The following CA10 variants were observed in gnomAD, a reference collection of about 807,000 sequenced individuals.
The protein encoded by CA10 is carbonic anhydrase-related protein 10.
Under a neutral mutation model 44.2 loss-of-function variants are expected in CA10, and 14 were observed. The observed-to-expected ratio is 0.32, with a 90% CI of 0.21 to 0.50. The LOEUF is 0.50. Among genes scored for constraint, CA10 ranks in the 20% least tolerant of loss-of-function variants. The pLI, the probability that CA10 is intolerant of heterozygous loss-of-function variation, is 0.99. For synonymous variants in CA10, 159 were observed against 141.6 expected, an observed-to-expected ratio of 1.12 and a Z score of -0.87; for missense variants, 350 against 409.7, an observed-to-expected ratio of 0.85 and a Z score of 1.26.
chr17:52,078,208 C>T (rs2143159950), intron 1 of CA10, among the ~76,000 whole-genome samples: 1 of 152,262 alleles, frequency 6.6e-6, no homozygotes, highest in East Asian at 1.9e-4. Flanking sequence ...GGTCTCTTGA[C>T]CTGGTGGGAA....
At chr17:51,935,457 T>A (rs533159438) in intron 2 of CA10, among the ~76,000 whole-genome samples, 1 of 152,184 alleles carries the variant, frequency 6.6e-6, no homozygotes, top group African/African-American at 2.4e-5. Context: ...AATTCCATCA[T>A]CCTTGGCATC....
intron 3 of CA10, among the ~76,000 whole-genome samples, chr17:51,870,054 G>T (rs914460045): frequency 6.6e-6 from 1 of 152,146 alleles, no homozygotes; most frequent in African/African-American, 2.4e-5. Flanking sequence ...ATTTACTAAG[G>T]CCAATCTATT....
intron 2 of CA10, among the ~76,000 whole-genome samples, chr17:51,991,005 A>G (rs530585500): frequency 4.6e-5 from 7 of 152,230 alleles, no homozygotes; most frequent in African/African-American, 1.7e-4. Flanking sequence ...CTCACCACTT[A>G]AGGGCTGTGT....
At chr17:52,047,050 TA>T (rs1986931586) in intron 2 of CA10, among the ~76,000 whole-genome samples, 2 of 151,966 alleles carry the variant, frequency 1.3e-5, no homozygotes, top group African/African-American at 4.8e-5. Flanking sequence ...TTATTTCAGA[TA>T]AACAAAATCT....
At chr17:51,869,840 C>T (rs1567867349) in intron 3 of CA10, among the ~76,000 whole-genome samples, 1 of 152,208 alleles carries the variant, frequency 6.6e-6, no homozygotes, top group Non-Finnish European at 1.5e-5. Flanking sequence ...TTTAGGAAGA[C>T]TGTCCTCAAC....
intron 3 of CA10, among the ~76,000 whole-genome samples, chr17:51,805,901 T>C (rs1336171726): frequency 6.6e-6 from 1 of 152,148 alleles, no homozygotes; most frequent in Non-Finnish European, 1.5e-5. Flanking sequence ...AGGAAGACAG[T>C]GGTGAAGTTA....
chr17:52,144,544 C>G (rs1048172045), intron 1 of CA10, among the ~76,000 whole-genome samples: 1 of 152,026 alleles, frequency 6.6e-6, no homozygotes, highest in African/African-American at 2.4e-5. Flanking sequence ...TGGGCAAGAC[C>G]CAGTAAACTG....
At chr17:51,891,892 T>A (rs1417819095) in intron 3 of CA10, among the ~76,000 whole-genome samples, 3 of 152,212 alleles carry the variant, frequency 2.0e-5, no homozygotes, top group Non-Finnish European at 4.4e-5. Flanking sequence ...GACTGTCACC[T>A]ACATCTCACC....
At chr17:52,051,931 T>C (rs996509674) in intron 2 of CA10, among the ~76,000 whole-genome samples, 1 of 152,184 alleles carries the variant, frequency 6.6e-6, no homozygotes, top group South Asian at 2.1e-4. Flanking sequence ...ATATACACCA[T>C]GGAATACTAG....
At chr17:51,821,064 T>TCC in intron 3 of CA10, among the ~76,000 whole-genome samples, 1 of 56,516 alleles carries the variant, frequency 1.8e-5, no homozygotes, top group African/African-American at 9.1e-5. Context: ...TCCCTCCCTC[T>TCC]CTCCCTTCCT....
chr17:52,059,690 GAAAA>G (rs910608711), intron 2 of CA10, among the ~76,000 whole-genome samples: 1 of 151,458 alleles, frequency 6.6e-6, no homozygotes, highest in Admixed American at 6.6e-5. Context: ...AAGTGCTAAA[GAAAA>G]AAAAAAAAGA....
intron 3 of CA10, among the ~76,000 whole-genome samples, chr17:51,817,378 C>T (rs1332351658): frequency 1.3e-5 from 2 of 152,184 alleles, no homozygotes; most frequent in Non-Finnish European, 1.5e-5. Flanking sequence ...AAATATTTGT[C>T]TCTTTAAGAG....
chr17:52,110,864 A>G (rs1211283217), intron 1 of CA10, among the ~76,000 whole-genome samples: 1 of 152,286 alleles, frequency 6.6e-6, no homozygotes, highest in Admixed American at 6.5e-5. Context: ...TCCACGAAGA[A>G]TAGGGCAGTT....
chr17:51,671,538 G>A (rs1914423312), intron 4 of CA10, among the ~76,000 whole-genome samples: 1 of 152,118 alleles, frequency 6.6e-6, no homozygotes, highest in Non-Finnish European at 1.5e-5. Context: ...CTGAGTAGCT[G>A]GGACTATAGG....
At chr17:51,943,839 A>G (rs203102) in intron 2 of CA10, among the ~76,000 whole-genome samples, 114,353 of 152,114 alleles carry the variant, frequency 0.75, 43,397 homozygotes, top group African/African-American at 0.8. Flanking sequence ...GGTCAGCAAC[A>G]TGACCTTAAC....
chr17:51,684,437 C>T (rs992484009), intron 4 of CA10, among the ~76,000 whole-genome samples: 18 of 152,146 alleles, frequency 1.2e-4, no homozygotes, highest in African/African-American at 3.9e-4. Flanking sequence ...CAGTGGGGTG[C>T]TATTGTCATG....
chr17:51,921,934 A>G (rs540127131), intron 3 of CA10, among the ~76,000 whole-genome samples: 1 of 152,276 alleles, frequency 6.6e-6, no homozygotes, highest in South Asian at 2.1e-4. Context: ...TCTGTCTTCC[A>G]TAGAGTTGAA....
intron 4 of CA10, among the ~76,000 whole-genome samples, chr17:51,676,582 T>C (rs1194098943): frequency 6.6e-6 from 1 of 152,214 alleles, no homozygotes; most frequent in Non-Finnish European, 1.5e-5. Context: ...AGCTCCGAGA[T>C]AGATGTAGGT....
chr17:51,682,091 C>T (rs1914867210), intron 4 of CA10, among the ~76,000 whole-genome samples: 1 of 152,198 alleles, frequency 6.6e-6, no homozygotes. Context: ...ATCCTGGGGA[C>T]AGATAGAAAT....
Sources: allele counts gnomAD v4.1 joint callset (sites outside exome capture counted in the v4.1 genomes callset), GRCh38; gene constraint gnomAD v4.1.1; transcripts MANE v1.5; gene names NCBI Gene and HGNC (gene_info 2026-07-23, HGNC 2026-07-21).